The following TMEM132D variants were observed in gnomAD, a reference collection of about 807,000 sequenced individuals.
TMEM132D encodes the protein transmembrane protein 132D.
TMEM132D carries 21 observed loss-of-function variants against 62.3 expected under a neutral mutation model. The ratio of observed to expected loss-of-function variants is 0.34; its 90% confidence interval spans 0.24 to 0.49. The LOEUF is 0.49. Ranked by LOEUF, TMEM132D falls within the 20% of genes least tolerant of loss-of-function variation. The pLI is 0.99. For missense variants in TMEM132D, 1,346 were observed against 1,402.8 expected, an observed-to-expected ratio of 0.96 and a Z score of 0.65; for synonymous variants, 621 against 575.6, an observed-to-expected ratio of 1.08 and a Z score of -1.13.
chr12:129,313,831 T>G (rs1593333578), intron 4 of TMEM132D, among the ~76,000 whole-genome samples: 1 of 152,272 alleles, frequency 6.6e-6, no homozygotes, highest in South Asian at 2.1e-4. Context: ...CCATTAGCGG[T>G]GTAGAAGTGT....
chr12:129,821,209 T>TA (rs1491391775), intron 1 of TMEM132D, among the ~76,000 whole-genome samples: 1 of 152,098 alleles, frequency 6.6e-6, no homozygotes, highest in Non-Finnish European at 1.5e-5. Context: ...CCGCAGGACT[T>TA]AGATTATTTG....
chr12:129,830,248 TGAGA>T lies in TMEM132D; in HGVS notation c.79+73009_79+73012del, dbSNP rs139935820. Among the ~76,000 whole-genome samples the T allele has an allele frequency of 5.5e-3, 840 of 152,154 alleles. 8 individuals are homozygous for T. Among genetic ancestry groups the T allele is most frequent in the African/African-American group, 0.019 (774 of 41,518 alleles). Reference sequence around the variant, plus strand: ...ATCCATCAATACATACACAGCCACATGAGAGAGAGAAAGAGAGACGATAGATGAC... The same window carrying T: ...ATCCATCAATACATACACAGCCACATGAGAGAAAGAGAGACGATAGATGAC... On this transcript the variant is annotated intron_variant, in intron 1 of 8. Coordinates refer to ENST00000422113, the MANE Select transcript of TMEM132D (RefSeq NM_133448.3).
intron 3 of TMEM132D, among the ~76,000 whole-genome samples, chr12:129,516,589 C>A (rs1408109279): frequency 6.6e-6 from 1 of 152,162 alleles, no homozygotes; most frequent in East Asian, 1.9e-4. Context: ...ATGGAGGAAA[C>A]TGCCCCCATG....
chr12:129,272,299 G>A (rs548011901), intron 4 of TMEM132D, among the ~76,000 whole-genome samples: 2 of 151,916 alleles, frequency 1.3e-5, no homozygotes, highest in South Asian at 4.1e-4. Context: ...TAAGTTGTGT[G>A]TGCATCAAAT....
chr12:129,394,352 C>T (rs532821042), intron 3 of TMEM132D, among the ~76,000 whole-genome samples: 24 of 152,284 alleles, frequency 1.6e-4, no homozygotes, highest in African/African-American at 5.3e-4. Flanking sequence ...GGACTGCCTG[C>T]CTGGGCGGAA....
intron 1 of TMEM132D, among the ~76,000 whole-genome samples, chr12:129,843,649 T>A (rs1873269223): frequency 6.6e-6 from 1 of 152,168 alleles, no homozygotes; most frequent in African/African-American, 2.4e-5. Flanking sequence ...CTTCACAGTA[T>A]TAGAGTCTAT....
chr12:129,395,916 T>A (rs1311503249), intron 3 of TMEM132D, among the ~76,000 whole-genome samples: 1 of 146,674 alleles, frequency 6.8e-6, no homozygotes, highest in Non-Finnish European at 1.5e-5. Flanking sequence ...ATATAATACA[T>A]TATATTATAC....
intron 1 of TMEM132D, among the ~76,000 whole-genome samples, chr12:129,825,676 G>A (rs952168822): frequency 3.3e-5 from 5 of 152,152 alleles, no homozygotes; most frequent in Non-Finnish European, 7.3e-5. Context: ...CCCAGGAGGG[G>A]CTGCATGGTA....
At chr12:129,161,360 G>C (rs1171936623) in intron 5 of TMEM132D, among the ~76,000 whole-genome samples, 1 of 152,158 alleles carries the variant, frequency 6.6e-6, no homozygotes, top group Non-Finnish European at 1.5e-5. Flanking sequence ...TTTTAGAGTT[G>C]GTTTCCAAAT....
At chr12:129,731,418 G>A (rs1303157641) in intron 1 of TMEM132D, among the ~76,000 whole-genome samples, 2 of 152,138 alleles carry the variant, frequency 1.3e-5, no homozygotes, top group Non-Finnish European at 2.9e-5. Flanking sequence ...GGGGGAAGAG[G>A]ATGCTATTTT....
intron 2 of TMEM132D, among the ~76,000 whole-genome samples, chr12:129,538,737 G>A (rs1366939899): frequency 2.6e-5 from 4 of 152,222 alleles, no homozygotes; most frequent in African/African-American, 7.2e-5. Flanking sequence ...TTAGGATGAC[G>A]ATGAGAGGTA....
intron 1 of TMEM132D, among the ~76,000 whole-genome samples, chr12:129,842,364 C>T (rs895928244): frequency 1.3e-5 from 2 of 152,084 alleles, no homozygotes; most frequent in Non-Finnish European, 2.9e-5. Flanking sequence ...TAAACGCTGG[C>T]ATTCAATAGG....
chr12:129,220,391 C>A (rs963173028), intron 4 of TMEM132D, among the ~76,000 whole-genome samples: 1 of 152,212 alleles, frequency 6.6e-6, no homozygotes, highest in Admixed American at 6.5e-5. Context: ...TTGGCAGGGA[C>A]TGGATCGCAA....
chr12:129,431,143 G>A (rs1047965856), intron 3 of TMEM132D, among the ~76,000 whole-genome samples: 1 of 152,208 alleles, frequency 6.6e-6, no homozygotes, highest in Non-Finnish European at 1.5e-5. Context: ...TTCCCTTCCA[G>A]CCTCTACCTC....
intron 4 of TMEM132D, among the ~76,000 whole-genome samples, chr12:129,252,852 T>G (rs1189546445): frequency 1.3e-5 from 2 of 152,042 alleles, no homozygotes; most frequent in African/African-American, 2.4e-5. Context: ...CATGGAATAC[T>G]ATGCAGCCAT....
At chr12:129,594,410 A>C (rs1452601483) in intron 2 of TMEM132D, among the ~76,000 whole-genome samples, 2 of 152,168 alleles carry the variant, frequency 1.3e-5, no homozygotes, top group Admixed American at 6.5e-5. Context: ...TGCCAGGAGG[A>C]GTGAAAATCA....
At chr12:129,866,119 T>A (rs1874050132) in intron 1 of TMEM132D, among the ~76,000 whole-genome samples, 1 of 152,034 alleles carries the variant, frequency 6.6e-6, no homozygotes, top group Non-Finnish European at 1.5e-5. Flanking sequence ...AAGAAGTATA[T>A]GAAAAAGGGT....
intron 2 of TMEM132D, among the ~76,000 whole-genome samples, chr12:129,641,824 C>A (rs1373092098): frequency 6.6e-6 from 1 of 152,122 alleles, no homozygotes; most frequent in African/African-American, 2.4e-5. Flanking sequence ...AGGTGCTTTT[C>A]CTTTCACAAT....
chr12:129,848,931 C>T (rs1046337997), intron 1 of TMEM132D, among the ~76,000 whole-genome samples: 16 of 152,168 alleles, frequency 1.1e-4, no homozygotes, highest in African/African-American at 3.4e-4. Flanking sequence ...CCACTGTTCC[C>T]GTTCACACCC....
Sources: gnomAD v4.1 joint callset for allele counts (sites outside exome capture counted in the v4.1 genomes callset) on GRCh38, gnomAD v4.1.1 for gene constraint, MANE v1.5 for transcripts, NCBI Gene and HGNC (gene_info 2026-07-23, HGNC 2026-07-21) for gene names.